Variants in ROBO2 observed in about 807,000 individuals in gnomAD.
ROBO2 encodes roundabout guidance receptor 2.
ROBO2 carries 53 observed loss-of-function variants against 160.8 expected under a neutral mutation model. The observed-to-expected ratio is 0.33, with a 90% confidence interval of 0.26 to 0.41. ROBO2 has a LOEUF of 0.41. Among genes scored for constraint, ROBO2 ranks in the 10% least tolerant of loss-of-function variants. The probability of loss-of-function intolerance (pLI) is 1.00; values close to 1 mark genes in which losing one functional copy is unlikely to be tolerated. For missense variants in ROBO2, 1,577 were observed against 1,722.4 expected, an observed-to-expected ratio of 0.92 and a Z score of 1.49; for synonymous variants, 664 against 611.7, an observed-to-expected ratio of 1.09 and a Z score of -1.26.
intron 2 of ROBO2, among the ~76,000 whole-genome samples, chr3:76,567,658 T>TAC (rs1428269324): frequency 9.8e-6 from 1 of 102,130 alleles, no homozygotes; most frequent in East Asian, 2.9e-4. Flanking sequence ...TATATACACA[T>TAC]ACACATATAT....
chr3:76,581,314 T>A (rs1312110142), intron 2 of ROBO2, among the ~76,000 whole-genome samples: 2 of 151,754 alleles, frequency 1.3e-5, no homozygotes, highest in African/African-American at 4.8e-5. Context: ...TAAGAAATGG[T>A]TTGGTGGAAA....
In ROBO2 at chr3:76,241,977, A is replaced by G. The variant is rs549448503; in HGVS notation, c.109+304375A>G. 3.3e-5 allele frequency among the ~76,000 whole-genome samples: 5 copies of G among 152,332 alleles called. No homozygotes were observed. The South Asian group carries it at 1.0e-3, about 32-fold the overall frequency. Reference sequence around the variant, plus strand: ...AGGGATACTAGAACTGTCAGATACTATAAATAAAGTATGTTGAGTAGAAAG... The same window carrying G: ...AGGGATACTAGAACTGTCAGATACTGTAAATAAAGTATGTTGAGTAGAAAG... On this transcript the variant is annotated intron_variant, in intron 2 of 26. Coordinates refer to the ROBO2 transcript ENST00000487694.
intron 2 of ROBO2, among the ~76,000 whole-genome samples, chr3:76,538,644 C>G (rs2082648367): frequency 6.6e-6 from 1 of 152,250 alleles, no homozygotes; most frequent in African/African-American, 2.4e-5. Context: ...ACAGAGGGAA[C>G]TTGTGTGAAG....
At chr3:76,466,183 A>G (rs747655016) in intron 2 of ROBO2, among the ~76,000 whole-genome samples, 7 of 151,980 alleles carry the variant, frequency 4.6e-5, no homozygotes, top group Non-Finnish European at 7.4e-5. Flanking sequence ...GTATACCTAC[A>G]TATGATATCA....
intron 2 of ROBO2, among the ~76,000 whole-genome samples, chr3:76,537,643 G>A (rs1051625595): frequency 5.3e-5 from 8 of 152,166 alleles, no homozygotes; most frequent in African/African-American, 1.2e-4. Context: ...CCAGTCTCCC[G>A]AAGGAGTCCC....
At chr3:77,482,861 A>G (rs537906462) in intron 4 of ROBO2, among the ~76,000 whole-genome samples, 1 of 151,764 alleles carries the variant, frequency 6.6e-6, no homozygotes, top group Non-Finnish European at 1.5e-5. Context: ...CTGGAATAGA[A>G]AGAAAAAAAA....
chr3:76,207,770 C>T (rs1702901370), intron 2 of ROBO2, among the ~76,000 whole-genome samples: 1 of 152,114 alleles, frequency 6.6e-6, no homozygotes, highest in Non-Finnish European at 1.5e-5. Context: ...CGATGTTTCT[C>T]TTATATGTAA....
intron 2 of ROBO2, among the ~76,000 whole-genome samples, chr3:76,992,850 C>G (rs1386722232): frequency 1.3e-5 from 2 of 152,118 alleles, no homozygotes; most frequent in African/African-American, 4.8e-5. Context: ...TGGAGTCTCA[C>G]TCTGTCATCC....
chr3:77,160,108 CAA>C (rs910586413), intron 2 of ROBO2, among the ~76,000 whole-genome samples: 1 of 123,518 alleles, frequency 8.1e-6, no homozygotes, highest in African/African-American at 2.8e-5. Flanking sequence ...ACCACAAACA[CAA>C]AACATGATTA....
At chr3:76,061,539 A>G (rs2068069781) in intron 2 of ROBO2, among the ~76,000 whole-genome samples, 1 of 152,218 alleles carries the variant, frequency 6.6e-6, no homozygotes, top group Admixed American at 6.5e-5. Context: ...GTTTGATAGT[A>G]GAGACGTGTT....
intron 2 of ROBO2, among the ~76,000 whole-genome samples, chr3:76,233,162 C>T (rs1453989730): frequency 6.6e-6 from 1 of 150,916 alleles, no homozygotes; most frequent in African/African-American, 2.4e-5. Flanking sequence ...TTTTATTTTT[C>T]AGGTAAAGTC....
At chr3:76,012,104 A>G (rs762772579) in intron 2 of ROBO2, among the ~76,000 whole-genome samples, 2 of 152,236 alleles carry the variant, frequency 1.3e-5, no homozygotes, top group African/African-American at 4.8e-5. Context: ...ATTTTATTTT[A>G]TCTCTATGTA....
chr3:77,171,888 T>C (rs191525850), intron 2 of ROBO2, among the ~76,000 whole-genome samples: 4 of 152,310 alleles, frequency 2.6e-5, no homozygotes, highest in Non-Finnish European at 2.9e-5. Flanking sequence ...GAGAAACTAA[T>C]ACCTAAATTA....
intron 2 of ROBO2, among the ~76,000 whole-genome samples, chr3:76,769,249 A>T (rs764501468): frequency 1.1e-4 from 17 of 151,458 alleles, no homozygotes; most frequent in Admixed American, 3.3e-4. Context: ...AACAGTTATT[A>T]GTATTTAATA....
rs2087728219 is a variant in ROBO2, at chr3:76,607,132, T to A, written c.110-490882T>A. Among the ~76,000 whole-genome samples, 3 of 152,206 alleles carry A rather than the reference T, an allele frequency of 2.0e-5. No individual in the cohort carries two copies. The South Asian group carries it at 6.2e-4, about 31-fold the overall frequency. On this transcript the variant is annotated intron_variant, in intron 2 of 26. Coordinates refer to the ROBO2 transcript ENST00000487694. ...TCACAGATGTGATCATGGTGCACTG[T>A]GGACTTGAACTCCTGGACAGGAGCA...
At chr3:77,640,951 A>G (rs1333745000) in intron 24 of ROBO2, among the ~76,000 whole-genome samples, 1 of 152,226 alleles carries the variant, frequency 6.6e-6, no homozygotes, top group Non-Finnish European at 1.5e-5. Flanking sequence ...GGCCATTTTA[A>G]AAATTAAGCT....
chr3:77,438,503 G>A (rs930409393), intron 2 of ROBO2, among the ~76,000 whole-genome samples: 1 of 151,390 alleles, frequency 6.6e-6, no homozygotes, highest in Non-Finnish European at 1.5e-5. Flanking sequence ...TGAAAAGTGA[G>A]TATCTGAAAA....
chr3:77,460,675 G>C (rs1027921285), intron 2 of ROBO2, among the ~76,000 whole-genome samples: 5 of 152,098 alleles, frequency 3.3e-5, no homozygotes. Context: ...TCGTGGTAAT[G>C]ATTTCATTAT....
chr3:77,415,260 G>A (rs143240322), intron 2 of ROBO2, among the ~76,000 whole-genome samples: 2 of 152,198 alleles, frequency 1.3e-5, no homozygotes, highest in East Asian at 1.9e-4. Flanking sequence ...AATAGAAGAA[G>A]AGACAGGAGT....
Sources: gnomAD v4.1 joint callset for allele counts (sites outside exome capture counted in the v4.1 genomes callset) on GRCh38, gnomAD v4.1.1 for gene constraint, MANE v1.5 for transcripts, NCBI Gene and HGNC (gene_info 2026-07-23, HGNC 2026-07-21) for gene names.